The following COP1 variants were observed in gnomAD, a reference collection of about 807,000 sequenced individuals.
COP1 encodes E3 ubiquitin-protein ligase COP1.
Under a neutral mutation model 101.3 loss-of-function variants are expected in COP1, and 24 were observed. The observed-to-expected ratio is 0.24, with a 90% CI of 0.17 to 0.33. The LOEUF (loss-of-function observed/expected upper bound fraction) is 0.33, where lower values mean the gene tolerates loss of function less well. COP1 is among the 10% of genes least tolerant of loss of function. The pLI is 1.00. For missense variants in COP1, 663 were observed against 906.2 expected, an observed-to-expected ratio of 0.73 and a Z score of 3.45; for synonymous variants, 347 against 341.9, an observed-to-expected ratio of 1.01 and a Z score of -0.17.
At chr1:176,121,913 G>A (rs1324778446) in intron 8 of COP1, among the ~76,000 whole-genome samples, 1 of 152,046 alleles carries the variant, frequency 6.6e-6, no homozygotes, top group Non-Finnish European at 1.5e-5. Flanking sequence ...GGCCAAGGCA[G>A]GCAGATCATG....
chr1:176,157,618 A>G (rs942221479), intron 5 of COP1, among the ~76,000 whole-genome samples: 6 of 152,206 alleles, frequency 3.9e-5, no homozygotes, highest in African/African-American at 1.4e-4. Context: ...CCTCCCTATC[A>G]TACCTTAAAA....
At chr1:176,196,913 GAGAA>G (rs1246675076) in intron 1 of COP1, among the ~76,000 whole-genome samples, 1 of 142,024 alleles carries the variant, frequency 7.0e-6, no homozygotes, top group Non-Finnish European at 1.5e-5. Context: ...AAAGAAGAAA[GAGAA>G]AGAAAGAAAG....
intron 11 of COP1, among the ~76,000 whole-genome samples, chr1:176,070,570 G>T (rs1676809170): frequency 1.3e-5 from 2 of 152,066 alleles, no homozygotes; most frequent in African/African-American, 2.4e-5. Context: ...GCTGAGGCAG[G>T]AGAATCACTT....
At chr1:176,146,607 G>A (rs1260943434) in intron 6 of COP1, among the ~76,000 whole-genome samples, 1 of 152,204 alleles carries the variant, frequency 6.6e-6, no homozygotes, top group African/African-American at 2.4e-5. Context: ...AAAAGCTGAT[G>A]AGTGAGCTTG....
chr1:176,027,839 G>T (rs1667941681), intron 14 of COP1, 151 bp from the exon 15 acceptor site: 2 of 586,868 alleles, frequency 3.4e-6, no homozygotes, highest in Non-Finnish European at 6.1e-6. Context: ...TGTTAAAGCT[G>T]AATGTATTTG....
intron 3 of COP1, chr1:176,168,615 A>AGTGGTAATGGGGAGGG: frequency 4.9e-6 from 1 of 202,524 alleles, no homozygotes; most frequent in African/African-American, 2.4e-5. Flanking sequence ...GTATATAGGG[A>AGTGGTAATGGGGAGGG]GTGGTAATGG....
Position 175,988,304 on chromosome 1 carries a change from T to G in COP1, c.1956A>C (p.Gly652=). Residue 652 remains glycine (G), a synonymous_variant, in exon 17 of 20, where the codon GGA becomes GGC. Transcript: ENST00000367669. The stretch of plus-strand genomic sequence containing the variant: ...TTCACTTACCACAAGCTATATAATC[T>G]CCATTGGAAGCCAGGCCTACAAAGT... The part of the protein sequence containing the change: ...EKNFVGLASN[G]DYIACGSENN... 6.2e-7 allele frequency: 1 copy of G among 1,611,614 alleles called. No homozygotes were observed. Among genetic ancestry groups the G allele is most frequent in the Non-Finnish European group, 8.5e-7 (1 of 1,178,616 alleles).
intron 15 of COP1, among the ~76,000 whole-genome samples, chr1:175,996,596 C>A (rs1308563785): frequency 1.3e-5 from 2 of 151,902 alleles, no homozygotes; most frequent in African/African-American, 4.8e-5. Flanking sequence ...CATTCTTATA[C>A]ACCAATAACA....
intron 8 of COP1, among the ~76,000 whole-genome samples, chr1:176,133,033 G>A (rs1279411703): frequency 1.4e-5 from 1 of 69,634 alleles, no homozygotes; most frequent in African/African-American, 6.0e-5. Flanking sequence ...ACATATGTAC[G>A]TATATATACT....
At chr1:176,073,444 G>A (rs73040923) in intron 11 of COP1, among the ~76,000 whole-genome samples, 2,623 of 152,068 alleles carry the variant, frequency 0.017, 60 homozygotes, top group African/African-American at 0.054. Flanking sequence ...ATTCAAACTC[G>A]GAATTCAAAA....
chr1:176,051,159 G>C (rs1208253960), intron 11 of COP1, among the ~76,000 whole-genome samples: 1 of 152,094 alleles, frequency 6.6e-6, no homozygotes, highest in African/African-American at 2.4e-5. Context: ...TATTGATAGA[G>C]GAATTCAGGA....
intron 12 of COP1, among the ~76,000 whole-genome samples, chr1:176,044,931 C>A (rs1394575707): frequency 6.6e-6 from 1 of 152,100 alleles, no homozygotes; most frequent in East Asian, 1.9e-4. Context: ...GAGTACTTGC[C>A]ATGGGCCAAG....
intron 18 of COP1, among the ~76,000 whole-genome samples, chr1:175,976,827 A>T (rs1380221092): frequency 1.3e-5 from 2 of 152,232 alleles, no homozygotes; most frequent in Admixed American, 6.5e-5. Flanking sequence ...GAAATAAGAC[A>T]TTGAACTTCT....
At chr1:176,116,242 A>G (rs1686163458) in intron 9 of COP1, among the ~76,000 whole-genome samples, 1 of 152,038 alleles carries the variant, frequency 6.6e-6, no homozygotes, top group Admixed American at 6.6e-5. Flanking sequence ...TTAGCTGGGC[A>G]TGGTGGTGCA....
intron 5 of COP1, among the ~76,000 whole-genome samples, chr1:176,153,367 T>G (rs1380001121): frequency 6.6e-6 from 1 of 152,192 alleles, no homozygotes; most frequent in Non-Finnish European, 1.5e-5. Flanking sequence ...ACAAATCCTT[T>G]TATAAGTCAG....
At chr1:176,016,129 G>A (rs1231898264) in intron 15 of COP1, among the ~76,000 whole-genome samples, 1 of 152,184 alleles carries the variant, frequency 6.6e-6, no homozygotes, top group Non-Finnish European at 1.5e-5. Flanking sequence ...TTTCCAGTAA[G>A]TAGAATAGAA....
intron 8 of COP1, among the ~76,000 whole-genome samples, chr1:176,134,669 T>C (rs1028437745): frequency 3.3e-5 from 5 of 152,048 alleles, no homozygotes; most frequent in Admixed American, 6.6e-5. Context: ...ATCACATTTT[T>C]CCCTAATATT....
At chr1:175,947,058 T>C (rs1215994621) in intron 19 of COP1, 137 bp downstream of exon 19, 1 of 681,860 alleles carries the variant, frequency 1.5e-6, no homozygotes, top group Admixed American at 2.4e-5. Flanking sequence ...TTCCCTTAAA[T>C]CAAGCCATTT....
At chr1:176,174,249 T>C (rs1696594429) in intron 3 of COP1, among the ~76,000 whole-genome samples, 1 of 152,100 alleles carries the variant, frequency 6.6e-6, no homozygotes, top group South Asian at 2.1e-4. Context: ...AAGTTATGAC[T>C]ACAGAAAAAG....
Sources: gnomAD v4.1 joint callset for allele counts (sites outside exome capture counted in the v4.1 genomes callset) on GRCh38, gnomAD v4.1.1 for gene constraint, MANE v1.5 for transcripts, NCBI Gene and HGNC (gene_info 2026-07-23, HGNC 2026-07-21) for gene names.